Variants in ST6GALNAC3 observed in about 807,000 individuals in gnomAD.
ST6GALNAC3 encodes the protein ST6 N-acetylgalactosaminide alpha-2,6-sialyltransferase 3, also known as alpha-N-acetylgalactosaminide alpha-2,6-sialyltransferase 3.
A neutral mutation model predicts 32.7 loss-of-function variants in ST6GALNAC3; 25 were observed. The observed-to-expected ratio is 0.76, with a 90% CI of 0.56 to 1.07. ST6GALNAC3 has a LOEUF of 1.07. Ranked by LOEUF, ST6GALNAC3 falls within the 50% of genes least tolerant of loss-of-function variation. The pLI is 0.00. For synonymous variants in ST6GALNAC3, 129 were observed against 133.1 expected (o/e 0.97, Z 0.21); for missense variants, 355 against 382.4 (o/e 0.93, Z 0.60).
chr1:76,264,201 A>T (rs954752361), intron 1 of ST6GALNAC3, among the ~76,000 whole-genome samples: 2 of 152,146 alleles, frequency 1.3e-5, no homozygotes, highest in African/African-American at 4.8e-5. Context: ...AAGCAGGGAA[A>T]GTGTTAGGAG....
intron 3 of ST6GALNAC3, among the ~76,000 whole-genome samples, chr1:76,614,490 C>T (rs1205461781): frequency 2.6e-5 from 4 of 151,888 alleles, no homozygotes; most frequent in African/African-American, 4.8e-5. Flanking sequence ...GAGGCCGAGG[C>T]GGGCAGATCA....
At chr1:76,568,921 A>G (rs1025596610) in intron 3 of ST6GALNAC3, among the ~76,000 whole-genome samples, 1 of 152,096 alleles carries the variant, frequency 6.6e-6, no homozygotes, top group Non-Finnish European at 1.5e-5. Context: ...TTTTGTAGTT[A>G]GAAACCTAGG....
In ST6GALNAC3 at chr1:76,326,353, A is replaced by C. The variant is rs377130483; in HGVS notation, c.213+12354A>C. Among the ~76,000 whole-genome samples the C allele has an allele frequency of 1.7e-4, 26 of 152,316 alleles. No individual in the cohort carries two copies. In the East Asian group the frequency reaches 3.5e-3, roughly 20 times the overall value. ...GGGAGTAAAGTGCACTTCACCCACC[A>C]TGAGGTCAAGTCAAGTTACATGGGC... On this transcript the variant is annotated intron_variant, in intron 2 of 4. Transcript: ENST00000328299.
chr1:76,477,994 C>T (rs1201086931), intron 3 of ST6GALNAC3, among the ~76,000 whole-genome samples: 3 of 152,130 alleles, frequency 2.0e-5, no homozygotes, highest in Non-Finnish European at 4.4e-5. Flanking sequence ...CAGTCTAATC[C>T]ATGTCAAGGT....
intron 3 of ST6GALNAC3, among the ~76,000 whole-genome samples, chr1:76,422,708 A>T (rs576578936): frequency 6.6e-6 from 1 of 152,120 alleles, no homozygotes; most frequent in East Asian, 1.9e-4. Context: ...TGGTCCTGGG[A>T]TCACACTTCA....
intron 1 of ST6GALNAC3, among the ~76,000 whole-genome samples, chr1:76,256,824 A>G (rs769883348): frequency 4.6e-5 from 7 of 152,204 alleles, no homozygotes; most frequent in Non-Finnish European, 1.0e-4. Context: ...GTGATTTCAC[A>G]GGAGTTAGAA....
At chr1:76,580,796 G>C (rs763736626) in intron 3 of ST6GALNAC3, among the ~76,000 whole-genome samples, 1 of 152,148 alleles carries the variant, frequency 6.6e-6, no homozygotes, top group Non-Finnish European at 1.5e-5. Flanking sequence ...TGATAAGAGA[G>C]AGTTGATATT....
intron 3 of ST6GALNAC3, among the ~76,000 whole-genome samples, chr1:76,427,759 T>C (rs1655493426): frequency 6.6e-6 from 1 of 152,100 alleles, no homozygotes; most frequent in Non-Finnish European, 1.5e-5. Context: ...GACAACCCCA[T>C]TGCAGTTGGG....
rs947629374 is a variant in ST6GALNAC3, at chr1:76,630,178, T to A, written c.*1372T>A. 6.1e-6 allele frequency: 6 copies of A among 985,098 alleles called. No individual in the cohort carries two copies. The highest frequency in any genetic ancestry group is 1.7e-5 in the African/African-American group (1 of 57,182). The allele number at this position is 985,098 out of a possible 1,614,324, so 61.0% of individuals were successfully genotyped here. A position where few individuals can be genotyped will look rare whatever the true frequency, so the allele number is the denominator to read the frequency against. On this transcript the variant is annotated 3_prime_UTR_variant, in exon 5 of 5. Transcript: ENST00000328299. ...TCTACTTGCTAATATTTGTATAGAA[T>A]AGAATTTATGTAAACTAGTAACCAG... is the stretch of plus-strand genomic sequence containing the variant.
intron 3 of ST6GALNAC3, among the ~76,000 whole-genome samples, chr1:76,625,507 T>C (rs2100718418): frequency 6.6e-6 from 1 of 151,984 alleles, no homozygotes; most frequent in African/African-American, 2.4e-5. Context: ...TACAATTCCA[T>C]AGGAATAATA....
At chr1:76,461,785 A>C (rs1658294819) in intron 3 of ST6GALNAC3, among the ~76,000 whole-genome samples, 1 of 152,160 alleles carries the variant, frequency 6.6e-6, no homozygotes, top group African/African-American at 2.4e-5. Context: ...ACATTGTTTT[A>C]CTTAATCCTA....
At chr1:76,409,444 A>G (rs181390517) in intron 2 of ST6GALNAC3, among the ~76,000 whole-genome samples, 1 of 152,280 alleles carries the variant, frequency 6.6e-6, no homozygotes. Context: ...TAAAAATGAA[A>G]TCAAAGAAAC....
intron 3 of ST6GALNAC3, among the ~76,000 whole-genome samples, chr1:76,419,721 G>A (rs897623976): frequency 2.0e-5 from 3 of 151,798 alleles, no homozygotes; most frequent in Admixed American, 6.6e-5. Flanking sequence ...CCTATACTAC[G>A]CCCATCTGTA....
At chr1:76,619,453 C>G (rs1483696730) in intron 3 of ST6GALNAC3, among the ~76,000 whole-genome samples, 1 of 151,902 alleles carries the variant, frequency 6.6e-6, no homozygotes, top group Non-Finnish European at 1.5e-5. Flanking sequence ...CTAGGTGCAT[C>G]CTTTATCATC....
intron 3 of ST6GALNAC3, among the ~76,000 whole-genome samples, chr1:76,501,182 G>C (rs1661156549): frequency 6.6e-6 from 1 of 151,980 alleles, no homozygotes; most frequent in African/African-American, 2.4e-5. Context: ...TTCTCATTTG[G>C]AGTTTTGCTT....
In ST6GALNAC3 at chr1:76,346,264, G is replaced by A. The variant is rs78699016; in HGVS notation, c.213+32265G>A. 4.7e-3 allele frequency among the ~76,000 whole-genome samples: 720 copies of A among 152,234 alleles called. 8 individuals are homozygous for A. Among genetic ancestry groups the A allele is most frequent in the African/African-American group, 0.016 (673 of 41,554 alleles). ...AGGGGAAAAAGTAAGCTCACACCAG[G>A]TAAGTAAATTTTCCAAGGTCACAGA... On this transcript the variant is annotated intron_variant, in intron 2 of 4. Transcript: ENST00000328299.
intron 3 of ST6GALNAC3, among the ~76,000 whole-genome samples, chr1:76,490,002 T>C (rs1201311893): frequency 1.3e-5 from 2 of 152,234 alleles, no homozygotes; most frequent in East Asian, 1.9e-4. Flanking sequence ...TCAGGTATGA[T>C]GTAAGAAAAT....
chr1:76,298,918 T>G (rs74089868), intron 1 of ST6GALNAC3, among the ~76,000 whole-genome samples: 2,720 of 152,132 alleles, frequency 0.018, 76 homozygotes, highest in African/African-American at 0.062. Context: ...TTGTCTGCTC[T>G]GCTGAAAGGC....
At chr1:76,299,246 C>T (rs1660588664) in intron 1 of ST6GALNAC3, among the ~76,000 whole-genome samples, 1 of 151,976 alleles carries the variant, frequency 6.6e-6, no homozygotes, top group Admixed American at 6.6e-5. Flanking sequence ...TCTTGCTGCA[C>T]TAGGGCAATA....
Sources: allele counts gnomAD v4.1 joint callset (sites outside exome capture counted in the v4.1 genomes callset), GRCh38; gene constraint gnomAD v4.1.1; transcripts MANE v1.5; gene names NCBI Gene and HGNC (gene_info 2026-07-23, HGNC 2026-07-21).